Variants in ANXA8 observed in about 807,000 individuals in gnomAD.
ANXA8 encodes the protein annexin A8.
ANXA8 carries 9 observed loss-of-function variants against 26.8 expected under a neutral mutation model. The observed-to-expected ratio is 0.34, with a 90% CI of 0.20 to 0.59. The LOEUF (loss-of-function observed/expected upper bound fraction) is 0.59, where lower values mean the gene tolerates loss of function less well. Ranked by LOEUF, ANXA8 falls within the 20% of genes least tolerant of loss-of-function variation. ANXA8 has a pLI of 0.84. For synonymous variants in ANXA8, 39 were observed against 94.8 expected (o/e 0.41, Z 3.42); for missense variants, 83 against 238.5 (o/e 0.35, Z 4.29).
the ANXA8 span, among the ~76,000 whole-genome samples, chr10:47,944,236 G>T: frequency 6.9e-6 from 1 of 145,616 alleles, no homozygotes. Context: ...TCTCTCCAGG[G>T]TCTTTTATAA....
At chr10:47,680,149 G>A in the ANXA8 span, among the ~76,000 whole-genome samples, 25 of 151,322 alleles carry the variant, frequency 1.7e-4, no homozygotes, top group South Asian at 1.3e-3. Flanking sequence ...GCTAATTTTC[G>A]TATTTTTAGT....
chr10:47,985,173 C>T, the ANXA8 span, among the ~76,000 whole-genome samples: 1 of 149,448 alleles, frequency 6.7e-6, no homozygotes, highest in African/African-American at 2.5e-5. Flanking sequence ...CATGAAGAGA[C>T]ATTTCATGGC....
At chr10:47,590,019 C>T in the ANXA8 span, 3 of 146,108 alleles carry the variant, frequency 2.1e-5, no homozygotes, top group African/African-American at 8.4e-5. Context: ...TCTCAGCTTT[C>T]AGGAACCCCA....
the ANXA8 span, among the ~76,000 whole-genome samples, chr10:47,644,496 T>C: frequency 6.6e-6 from 1 of 152,072 alleles, no homozygotes; most frequent in African/African-American, 2.4e-5. Context: ...TATTGCAGTC[T>C]ATTGGCTGGA....
chr10:47,937,333 G>A, the ANXA8 span, among the ~76,000 whole-genome samples: 44 of 149,626 alleles, frequency 2.9e-4, no homozygotes, highest in Non-Finnish European at 4.5e-5. Flanking sequence ...AGATTCCATA[G>A]TAGTCAAATG....
chr10:47,630,325 G>A, the ANXA8 span, among the ~76,000 whole-genome samples: 1 of 149,582 alleles, frequency 6.7e-6, no homozygotes, highest in African/African-American at 2.5e-5. Context: ...TCACAGGTTT[G>A]TTAAAGTTTT....
the ANXA8 span, among the ~76,000 whole-genome samples, chr10:47,624,262 A>G: frequency 1.2e-3 from 125 of 106,474 alleles, 5 homozygotes; most frequent in Admixed American, 2.4e-3. Context: ...AAAAAAAAAA[A>G]AAGAAGTAAA....
chr10:47,506,770 C>A, the ANXA8 span, among the ~76,000 whole-genome samples: 5 of 144,610 alleles, frequency 3.5e-5, no homozygotes, highest in Admixed American at 3.5e-4. Context: ...CTCCAGAATA[C>A]GTGGGACTAC....
the ANXA8 span, among the ~76,000 whole-genome samples, chr10:47,703,925 A>G: frequency 2.1e-5 from 3 of 144,900 alleles, no homozygotes; most frequent in African/African-American, 7.3e-5. Context: ...TTCCAATCAT[A>G]AAACACTGGA....
chr10:47,888,986 G>A, the ANXA8 span, among the ~76,000 whole-genome samples: 51,347 of 97,208 alleles, frequency 0.53, 11,980 homozygotes, highest in South Asian at 0.66. Context: ...ATATATATGT[G>A]TGTGTGTGTG....
chr10:47,486,748 G>A (rs1268427981), upstream of ANXA8, among the ~76,000 whole-genome samples: 3 of 137,270 alleles, frequency 2.2e-5, 1 homozygote, highest in Non-Finnish European at 4.7e-5. Context: ...TCAGGAGTTT[G>A]AGACCAGCCT....
chr10:47,678,622 GAA>G, the ANXA8 span, among the ~76,000 whole-genome samples: 3 of 151,738 alleles, frequency 2.0e-5, no homozygotes, highest in South Asian at 2.1e-4. Flanking sequence ...AGCACAAAGA[GAA>G]AAAAAATACT....
the ANXA8 span, among the ~76,000 whole-genome samples, chr10:47,750,206 T>C: frequency 6.6e-6 from 1 of 151,494 alleles, no homozygotes; most frequent in South Asian, 2.1e-4. Flanking sequence ...CCAGTTGAAA[T>C]ACACATAACA....
At chr10:47,596,828 T>G in the ANXA8 span, among the ~76,000 whole-genome samples, 2 of 148,254 alleles carry the variant, frequency 1.3e-5, no homozygotes, top group Non-Finnish European at 3.0e-5. Flanking sequence ...CTACCAGACA[T>G]ACAAAGGGGA....
the ANXA8 span, among the ~76,000 whole-genome samples, chr10:47,551,065 C>T: frequency 3.3e-5 from 5 of 150,800 alleles, no homozygotes; most frequent in Non-Finnish European, 7.4e-5. Context: ...AAAGATGTAA[C>T]AAGATGACTT....
the ANXA8 span, among the ~76,000 whole-genome samples, chr10:47,971,189 C>T: frequency 4.6e-5 from 7 of 151,002 alleles, 2 homozygotes; most frequent in Non-Finnish European, 7.4e-5. Flanking sequence ...GGTCTATGGG[C>T]TTTGCTTAAA....
At chr10:47,687,475 G>A in the ANXA8 span, among the ~76,000 whole-genome samples, 1 of 151,712 alleles carries the variant, frequency 6.6e-6, no homozygotes, top group African/African-American at 2.4e-5. Context: ...ATGTTGGCCA[G>A]GCTGGTCTCG....
At chr10:47,511,405 G>A in the ANXA8 span, among the ~76,000 whole-genome samples, 42 of 132,246 alleles carry the variant, frequency 3.2e-4, 2 homozygotes, top group African/African-American at 5.3e-4. Context: ...TCAGATTCAG[G>A]GGCTCTGTGT....
chr10:47,957,259 C>A, the ANXA8 span, among the ~76,000 whole-genome samples: 2 of 150,416 alleles, frequency 1.3e-5, no homozygotes, highest in South Asian at 2.1e-4. Flanking sequence ...CCAACACACA[C>A]GTCAGTTGTG....
Sources: allele counts gnomAD v4.1 joint callset (sites outside exome capture counted in the v4.1 genomes callset), GRCh38; gene constraint gnomAD v4.1.1; transcripts MANE v1.5; gene names NCBI Gene and HGNC (gene_info 2026-07-23, HGNC 2026-07-21).